Variants in BBS2 observed in about 807,000 individuals in gnomAD.
BBS2 encodes BBSome complex member BBS2.
A neutral mutation model predicts 83.0 loss-of-function variants in BBS2; 62 were observed. The ratio of observed to expected loss-of-function variants is 0.75; its 90% CI spans 0.61 to 0.92. The LOEUF (loss-of-function observed/expected upper bound fraction) is 0.92, where lower values mean the gene tolerates loss of function less well. Ranked by LOEUF, BBS2 falls within the 40% of genes least tolerant of loss-of-function variation. The pLI is 0.00. For synonymous variants in BBS2, 303 were observed against 326.1 expected (o/e 0.93, Z 0.76); for missense variants, 784 against 901.0 (o/e 0.87, Z 1.66).
Position 56,511,243 on chromosome 16 carries a change from T to C in BBS2, c.387A>G (p.Gly129=). Residue 129 remains glycine, a synonymous_variant, in exon 3 of 17, where the codon GGA becomes GGG. Coordinates refer to ENST00000245157, the MANE Select transcript of BBS2 (RefSeq NM_031885.5). The stretch of plus-strand genomic sequence containing the variant: ...TAATCGCAAGAGGGGAAGAAATGTC[T>C]CCCAATGTCCCCAGCACAATTGCAT... ...GANAIVLGTL[G]DISSPLAIIG... 1 of 1,614,088 alleles carries C rather than the reference T, an allele frequency of 6.2e-7. No individual in the cohort carries two copies. Among genetic ancestry groups the C allele is most frequent in the African/African-American group, 1.3e-5 (1 of 75,028 alleles).
intron 15 of BBS2, among the ~76,000 whole-genome samples, chr16:56,491,151 A>G (rs1245327662): frequency 6.6e-6 from 1 of 152,172 alleles, no homozygotes; most frequent in African/African-American, 2.4e-5. Flanking sequence ...ATCACACGTA[A>G]GAGATTAATA....
At chr16:56,502,938 A>C (rs1964319484) in intron 7 of BBS2, 130 bp from the exon 8 acceptor site, 10 of 1,145,710 alleles carry the variant, frequency 8.7e-6, no homozygotes, top group Middle Eastern at 5.2e-4. Flanking sequence ...GAAGCCCTAC[A>C]ACTTCTCAGG....
rs1963723993 is a variant in BBS2, at chr16:56,484,635, A to G, written c.*126T>C. ...ATGTAGTTCTTTGTCTTTAATTTGT[A>G]CAACTCACCAAGGTTATTTTCATTC... On this transcript the variant is annotated 3_prime_UTR_variant, in exon 17 of 17. Transcript: ENST00000245157. The G allele has an allele frequency of 1.3e-6, 1 of 759,630 alleles. No individual in the cohort carries two copies. The highest frequency in any genetic ancestry group is 1.7e-5 in the African/African-American group (1 of 57,836). 47.1% of individuals were successfully genotyped at this position (759,630 alleles called of 1,614,324 possible).
Position 56,491,193 on chromosome 16 carries a change from C to T in BBS2, c.1911-5455G>A, listed in dbSNP as rs142645185. Among the ~76,000 whole-genome samples the T allele has an allele frequency of 2.6e-3, 398 of 152,212 alleles. 1 individual carries two copies. Among genetic ancestry groups the T allele is most frequent in the African/African-American group, 9.2e-3 (382 of 41,538 alleles). ...CTATGGTTTGGATGTGGTTCGTCCC[C>T]GCCAAAACTCATGTTGAAGTTGAAA... On this transcript the variant is annotated intron_variant, in intron 15 of 16. Transcript: ENST00000245157.
In BBS2 at chr16:56,485,763, C is replaced by G. The variant is rs369590258; in HGVS notation, c.1911-25G>C. 6.1e-5 allele frequency: 99 copies of G among 1,612,322 alleles called. No homozygotes were observed. The African/African-American group carries it at 1.1e-3, about 18-fold the overall frequency. On this transcript the variant is annotated intron_variant, in intron 15 of 16. Transcript: ENST00000245157. Reference sequence around the variant, plus strand: ...CCTGTGCAAATCAGTAGAAATTTGACATCATTTCATGTTGATATGGCAAGC... The same window carrying G: ...CCTGTGCAAATCAGTAGAAATTTGAGATCATTTCATGTTGATATGGCAAGC...
intron 5 of BBS2, 132 bp downstream of exon 5, chr16:56,509,825 A>G (rs1470666168): frequency 1.2e-6 from 1 of 818,694 alleles, no homozygotes; most frequent in Non-Finnish European, 2.1e-6. Flanking sequence ...GCTCTGTCTG[A>G]CCCCCTCCCC....
At chr16:56,517,028 G>A (rs1367582616) in intron 1 of BBS2, among the ~76,000 whole-genome samples, 6 of 150,816 alleles carry the variant, frequency 4.0e-5, no homozygotes, top group Admixed American at 1.3e-4. Flanking sequence ...GGCCATTTTC[G>A]ACAACAGCCC....
Position 56,514,532 on chromosome 16 carries a change from T to C in BBS2, c.266A>G (p.Tyr89Cys), listed in dbSNP as rs560910758. The change falls in exon 2 of 17, where the codon TAT becomes TGT. Residue 89 changes from tyrosine (Y) to cysteine (C), a missense_variant. Physicochemically the swap from Tyr to Cys is radical, Grantham distance 194. Transcript: ENST00000245157. The part of the protein sequence containing the change: ...TAGVLNPELG[Y>C]DALLVGTQTN... ...CTGTGTCCCCACTAAAAGGGCATCA[T>C]AGCCAAGCTCAGGGTTCAATACGCC... 330 of 1,614,174 alleles carry C rather than the reference T, an allele frequency of 2.0e-4. 3 individuals are homozygous for C. The South Asian group carries it at 3.4e-3, about 17-fold the overall frequency.
chr16:56,506,199 T>A lies in BBS2; in HGVS notation c.638A>T (p.Tyr213Phe), dbSNP rs775541027. The A allele has an allele frequency of 6.2e-7, 1 of 1,613,916 alleles. No homozygotes were observed. ...AAGGGCATAACCAAATCGACTGCCA[T>A]ACATGGGACAAAGAGAGGTGACTAT... is the stretch of plus-strand genomic sequence containing the variant. ...TEIVTSLCPM[Y>F]GSRFGYALSN... The change falls in exon 6 of 17, where the codon TAT becomes TTT. Residue 213 changes from tyrosine (Y) to phenylalanine (F), a missense_variant. Physicochemically the swap from Tyr to Phe is conservative, Grantham distance 22 (BLOSUM62 3). Transcript: ENST00000245157.
intron 15 of BBS2, among the ~76,000 whole-genome samples, chr16:56,490,147 CACAA>C (rs1263769654): frequency 3.3e-5 from 5 of 150,960 alleles, no homozygotes; most frequent in South Asian, 2.1e-4. Flanking sequence ...CACACACACA[CACAA>C]AAATAATAAT....
At chr16:56,474,945 G>C (rs1190188725) in intron 17 of BBS2, 5 of 1,613,494 alleles carry the variant, frequency 3.1e-6, no homozygotes, top group Admixed American at 1.7e-5. Flanking sequence ...TACTGTGGCT[G>C]TGAAGGTAAG....
chr16:56,481,081 T>C (rs914636862), downstream of BBS2, among the ~76,000 whole-genome samples: 13 of 152,138 alleles, frequency 8.5e-5, no homozygotes, highest in Admixed American at 7.2e-4. Context: ...TTTAGTTCTA[T>C]AATGACAGGA....
In BBS2 at chr16:56,519,777, G is replaced by A. The variant is rs771211831; in HGVS notation, c.86C>T (p.Pro29Leu). 27 of 1,613,484 alleles carry A rather than the reference G, an allele frequency of 1.7e-5. 2 individuals are homozygous for A. In the East Asian group the frequency reaches 5.3e-4, roughly 32 times the overall value. ...CGTTTGGGTGGCGGCCGCCAGGCAC[G>A]GGTGAGTCCCGTCGTAGCGCCCTAT... is the stretch of plus-strand genomic sequence containing the variant. ...VAIGRYDGTHPCLAAATQTGK... is the reference protein window; with the variant it reads ...VAIGRYDGTHLCLAAATQTGK... Residue 29 changes from proline to leucine, a missense_variant, in exon 1 of 17, where the codon CCG becomes CTG. Pro to Leu is a moderately conservative substitution (Grantham distance 98, BLOSUM62 -3). Transcript: ENST00000245157.
chr16:56,475,465 C>A, intron 17 of BBS2: 1 of 1,587,530 alleles, frequency 6.3e-7, no homozygotes, highest in Non-Finnish European at 8.7e-7. Flanking sequence ...GCGACTCTTT[C>A]AATAGGAGCT....
At position 56,520,022 on chromosome 16, in the gene BBS2, C is replaced by G; in HGVS notation, c.-160G>C. On this transcript the variant is annotated 5_prime_UTR_variant, in exon 1 of 17. Coordinates refer to ENST00000245157, the MANE Select transcript of BBS2 (RefSeq NM_031885.5). ...CCGGGACGAACCCGTCCAGGTACCGCCTGCTCCTCCTGCGGCGGCGCAGAC... is the reference window on the plus strand; with the variant it reads ...CCGGGACGAACCCGTCCAGGTACCGGCTGCTCCTCCTGCGGCGGCGCAGAC... 4.5e-6 allele frequency: 3 copies of G among 661,934 alleles called. No homozygotes were observed. Among genetic ancestry groups the G allele is most frequent in the Non-Finnish European group, 8.2e-6 (3 of 365,220 alleles). The allele number at this position is 661,934 out of a possible 1,614,324, so 41.0% of individuals were successfully genotyped here.
intron 14 of BBS2, 34 bp downstream of exon 14, chr16:56,497,709 C>T (rs1964153372): frequency 1.9e-6 from 3 of 1,610,596 alleles, no homozygotes; most frequent in South Asian, 1.1e-5. Context: ...TAGACTACCA[C>T]ATTCTCACAA....
intron 12 of BBS2, chr16:56,498,823 C>CCA: frequency 2.4e-6 from 2 of 848,398 alleles, no homozygotes; most frequent in Admixed American, 5.9e-5. Context: ...ATGCCTGGCC[C>CCA]CACAGCAGAC....
intron 1 of BBS2, among the ~76,000 whole-genome samples, chr16:56,517,119 G>A (rs1964772155): frequency 6.6e-6 from 1 of 151,980 alleles, no homozygotes; most frequent in Non-Finnish European, 1.5e-5. Context: ...CGATCTCCCT[G>A]CTTCTACTCC....
intron 17 of BBS2, among the ~76,000 whole-genome samples, chr16:56,471,497 G>A (rs1963183586): frequency 1.3e-5 from 2 of 152,150 alleles, no homozygotes; most frequent in Non-Finnish European, 2.9e-5. Context: ...TAACACTCCT[G>A]TGAAAATATT....
Sources: gnomAD v4.1 joint callset for allele counts (sites outside exome capture counted in the v4.1 genomes callset) on GRCh38, gnomAD v4.1.1 for gene constraint, MANE v1.5 for transcripts, NCBI Gene and HGNC (gene_info 2026-07-23, HGNC 2026-07-21) for gene names.